RAF1: variants seen among roughly 807,000 people sequenced by gnomAD.
The protein encoded by RAF1 is Raf-1 proto-oncogene, serine/threonine kinase, also known as RAF proto-oncogene serine/threonine-protein kinase.
RAF1 carries 27 observed loss-of-function variants against 81.1 expected under a neutral mutation model. That is an observed-to-expected ratio of 0.33 (90% confidence interval 0.25 to 0.46). RAF1 has a LOEUF of 0.46. RAF1 is among the 20% of genes least tolerant of loss of function. The pLI is 1.00. For missense variants in RAF1, 598 were observed against 826.0 expected, an observed-to-expected ratio of 0.72 and a Z score of 3.38; for synonymous variants, 298 against 294.0, an observed-to-expected ratio of 1.01 and a Z score of -0.14.
intron 1 of RAF1, among the ~76,000 whole-genome samples, chr3:12,646,416 C>T (rs1390733887): frequency 6.6e-6 from 1 of 152,120 alleles, no homozygotes; most frequent in East Asian, 1.9e-4. Flanking sequence ...CCTCTGTCAC[C>T]CACGCTGGAG....
chr3:12,616,298 G>A (rs764221854), intron 2 of RAF1, among the ~76,000 whole-genome samples: 9 of 152,208 alleles, frequency 5.9e-5, no homozygotes, highest in Non-Finnish European at 1.2e-4. Context: ...ACTGGTAGCA[G>A]ATGGGGATGG....
chr3:12,653,738 C>CA lies in RAF1; in HGVS notation c.-27+10074dup, dbSNP rs796348917. 6.3e-3 allele frequency among the ~76,000 whole-genome samples: 891 copies of CA among 141,498 alleles called. 9 individuals carry two copies. Among genetic ancestry groups the CA allele is most frequent in the African/African-American group, 0.02 (788 of 38,746 alleles). 92.8% of individuals were successfully genotyped at this position (141,498 alleles called of 152,430 possible). On this transcript the variant is annotated intron_variant, in intron 1 of 17. Coordinates refer to ENST00000442415, the MANE Select transcript of RAF1 (RefSeq NM_001354689.3). The stretch of plus-strand genomic sequence containing the variant: ...TGGGCGACAGAGCAAGACTATGTCT[C>CA]AAAAAAAAAAAAGTCATCTCTCATG...
At position 12,605,269 on chromosome 3, in the gene RAF1, T is replaced by C. The variant is rs533238022; in HGVS notation, c.680+932A>G. On this transcript the variant is annotated intron_variant, in intron 6 of 17. Transcript: ENST00000442415. ...CACATTATGTGTGTGTGTGTGTGTG[T>C]GTGTGTGTGTGTGTATACATAATAT... Among the ~76,000 whole-genome samples the C allele has an allele frequency of 7.9e-5, 12 of 152,080 alleles. No individual in the cohort carries two copies. In the South Asian group the frequency reaches 2.3e-3, roughly 29 times the overall value.
At chr3:12,659,340 A>G (rs1252432148) in intron 1 of RAF1, among the ~76,000 whole-genome samples, 2 of 144,334 alleles carry the variant, frequency 1.4e-5, no homozygotes, top group African/African-American at 5.1e-5. Flanking sequence ...AGGCATGAGA[A>G]TCCCTTGAAC....
intron 1 of RAF1, among the ~76,000 whole-genome samples, chr3:12,650,652 C>T (rs1218745612): frequency 6.6e-6 from 1 of 152,150 alleles, no homozygotes; most frequent in Non-Finnish European, 1.5e-5. Context: ...CTGTTAGCTG[C>T]TTTGAGGAAT....
chr3:12,600,081 G>C, intron 10 of RAF1, 71 bp downstream of exon 9: 9 of 1,586,810 alleles, frequency 5.7e-6, no homozygotes, highest in Non-Finnish European at 7.8e-6. Context: ...ATAAGTTTAA[G>C]TATTCTAATT....
At chr3:12,612,649 C>CAAA (rs546490049) in intron 2 of RAF1, among the ~76,000 whole-genome samples, 20 of 74,676 alleles carry the variant, frequency 2.7e-4, no homozygotes, top group Admixed American at 2.3e-3. Flanking sequence ...GACTCCGTCT[C>CAAA]AAAAAAAAAA....
chr3:12,592,892 C>T (rs1055653813), intron 11 of RAF1, among the ~76,000 whole-genome samples: 11 of 149,026 alleles, frequency 7.4e-5, no homozygotes, highest in African/African-American at 2.5e-4. Flanking sequence ...CCCGCCACCA[C>T]GTCTGGCTAA....
chr3:12,659,427 C>CAAAAAAAAA lies in RAF1; in HGVS notation c.-27+4377_-27+4385dup, dbSNP rs71063859. ...TGGGCAACAGCACCAGATTTCATCTCAAAAAAAAAAAAAAAAAATTACACG... is the reference window on the plus strand; with the variant it reads ...TGGGCAACAGCACCAGATTTCATCTCAAAAAAAAAAAAAAAAAAAAAAAAAAATTACACG... On this transcript the variant is annotated intron_variant, in intron 1 of 17. Transcript: ENST00000442415. Among the ~76,000 whole-genome samples the CAAAAAAAAA allele has an allele frequency of 3.0e-3, 143 of 47,676 alleles. 12 individuals are homozygous for CAAAAAAAAA. Among genetic ancestry groups the CAAAAAAAAA allele is most frequent in the African/African-American group, 9.9e-3 (111 of 11,160 alleles). 31.3% of individuals were successfully genotyped at this position (47,676 alleles called of 152,430 possible). A position where few individuals can be genotyped will look rare whatever the true frequency, so the allele number is the denominator to read the frequency against.
At chr3:12,622,248 C>CG (rs2125465211) in intron 1 of RAF1, among the ~76,000 whole-genome samples, 1 of 152,200 alleles carries the variant, frequency 6.6e-6, no homozygotes, top group East Asian at 1.9e-4. Context: ...AAATAGATGA[C>CG]GGAAGAGACA....
At chr3:12,644,898 G>C (rs1032676236) in intron 1 of RAF1, among the ~76,000 whole-genome samples, 2 of 151,956 alleles carry the variant, frequency 1.3e-5, no homozygotes, top group Non-Finnish European at 2.9e-5. Context: ...AAGAGAGCCA[G>C]ACCATCCTGG....
chr3:12,605,250 A>ATGTGTGTGTG (rs139616156), intron 6 of RAF1, among the ~76,000 whole-genome samples: 2,102 of 144,612 alleles, frequency 0.015, 20 homozygotes, highest in Middle Eastern at 0.018. Flanking sequence ...ATTACACATT[A>ATGTGTGTGTG]TGTGTGTGTG....
At position 12,616,629 on chromosome 3, in the gene RAF1, T is replaced by G. The variant is rs200812609; in HGVS notation, c.207+1886A>C. 7.2e-5 allele frequency among the ~76,000 whole-genome samples: 11 copies of G among 152,250 alleles called. No individual in the cohort carries two copies. The East Asian group carries it at 2.1e-3, about 29-fold the overall frequency. ...TCAACACTACACTTGGGAGGCTCCT[T>G]AGGTTCACAAAAAAAGTATAAACAA... On this transcript the variant is annotated intron_variant, in intron 2 of 17. Transcript: ENST00000442415.
At chr3:12,661,939 C>G (rs1409383414) in intron 1 of RAF1, among the ~76,000 whole-genome samples, 4 of 151,844 alleles carry the variant, frequency 2.6e-5, no homozygotes, top group African/African-American at 4.8e-5. Flanking sequence ...AATTTCAGCA[C>G]TTTAAGAGGC....
intron 1 of RAF1, among the ~76,000 whole-genome samples, chr3:12,646,828 TG>T (rs753854278): frequency 4.4e-4 from 67 of 151,580 alleles, no homozygotes; most frequent in Non-Finnish European, 8.3e-4. Flanking sequence ...GGATTACAGG[TG>T]TGAGCCACCA....
chr3:12,663,549 G>A (rs5746154), intron 1 of RAF1, among the ~76,000 whole-genome samples: 15,438 of 152,302 alleles, frequency 0.1, 1,126 homozygotes, highest in Admixed American at 0.19. Flanking sequence ...AATGCGCATG[G>A]CATAAGGGTG....
At chr3:12,596,897 T>C (rs1221787895) in intron 11 of RAF1, among the ~76,000 whole-genome samples, 1 of 148,120 alleles carries the variant, frequency 6.8e-6, no homozygotes, top group African/African-American at 2.5e-5. Flanking sequence ...TTAAAAAACC[T>C]AGAATCTTTT....
chr3:12,635,899 T>C (rs1410738354), intron 1 of RAF1, among the ~76,000 whole-genome samples: 1 of 136,004 alleles, frequency 7.4e-6, no homozygotes, highest in East Asian at 2.3e-4. Flanking sequence ...CGTGAACCCA[T>C]GAGGTAGAGC....
chr3:12,587,522 GAAAGCC>G (rs1179195644), intron 14 of RAF1, 63 bp downstream of exon 13: 51 of 1,412,846 alleles, frequency 3.6e-5, no homozygotes, highest in Non-Finnish European at 4.9e-5. Context: ...ACTTGTGATA[GAAAGCC>G]TCCCTTCTGT....
Sources: allele counts gnomAD v4.1 joint callset (sites outside exome capture counted in the v4.1 genomes callset), GRCh38; gene constraint gnomAD v4.1.1; transcripts MANE v1.5; gene names NCBI Gene and HGNC (gene_info 2026-07-23, HGNC 2026-07-21).